The following OTUB2 variants were observed in gnomAD, a reference collection of about 807,000 sequenced individuals.
OTUB2 encodes the protein ubiquitin thioesterase OTUB2.
Under a neutral mutation model 25.1 loss-of-function variants are expected in OTUB2, and 21 were observed. The observed-to-expected ratio is 0.84, with a 90% CI of 0.59 to 1.21. The LOEUF (loss-of-function observed/expected upper bound fraction) is 1.21. OTUB2 is among the 50% of genes most tolerant of loss of function. The probability of loss-of-function intolerance (pLI) is 0.00; values close to 1 mark genes in which losing one functional copy is unlikely to be tolerated. For synonymous variants in OTUB2, 122 were observed against 122.8 expected (o/e 0.99, Z 0.04); for missense variants, 283 against 298.0 (o/e 0.95, Z 0.37).
intron 3 of OTUB2, chr14:94,039,334 G>C (rs1595367434): frequency 5.4e-6 from 3 of 553,112 alleles, no homozygotes; most frequent in African/African-American, 1.9e-5. Context: ...CACAGGCCTG[G>C]GTCAGCCCAG....
Position 94,046,051 on chromosome 14 carries a change from C to T in OTUB2, c.*129C>T. The T allele has an allele frequency of 1.9e-6, 2 of 1,077,844 alleles. No homozygotes were observed. Among genetic ancestry groups the T allele is most frequent in the Non-Finnish European group, 2.7e-6 (2 of 739,738 alleles). The allele number at this position is 1,077,844 out of a possible 1,614,324, so 66.8% of individuals were successfully genotyped here. A position where few individuals can be genotyped will look rare whatever the true frequency, so the allele number is the denominator to read the frequency against. Reference sequence around the variant, plus strand: ...AAATGTGCAGCCTTTTGGGCAAAGCCCCTGGGAACGAGGCCTATCCACTAT... The same window carrying T: ...AAATGTGCAGCCTTTTGGGCAAAGCTCCTGGGAACGAGGCCTATCCACTAT... On this transcript the variant is annotated 3_prime_UTR_variant, in exon 6 of 6. Coordinates refer to ENST00000203664, the MANE Select transcript of OTUB2 (RefSeq NM_023112.4).
intron 5 of OTUB2, 92 bp downstream of exon 5, chr14:94,044,872 G>A (rs926104899): frequency 3.8e-6 from 5 of 1,321,188 alleles, no homozygotes; most frequent in South Asian, 3.0e-5. Flanking sequence ...CAAGGGACTC[G>A]GGTGTCACGA....
chr14:94,043,521 G>A (rs898692252), intron 3 of OTUB2, among the ~76,000 whole-genome samples: 5 of 152,254 alleles, frequency 3.3e-5, no homozygotes, highest in African/African-American at 1.2e-4. Flanking sequence ...AGCATGCGCA[G>A]AGCAAGGGCC....
Position 94,046,128 on chromosome 14 carries a change from A to C in OTUB2, c.*206A>C, listed in dbSNP as rs1885271276. 3.1e-6 allele frequency: 2 copies of C among 648,936 alleles called. No individual in the cohort carries two copies. Among genetic ancestry groups the C allele is most frequent in the African/African-American group, 3.6e-5 (2 of 54,832 alleles). 40.2% of individuals were successfully genotyped at this position (648,936 alleles called of 1,614,324 possible). On this transcript the variant is annotated 3_prime_UTR_variant, in exon 6 of 6. Transcript: ENST00000203664. ...TAGTATTTATTTTAATGGAGGGACA[A>C]ATGCTTTCTAACTGGGCCCCCGACT...
At chr14:94,031,881 T>G (rs1884968957) in intron 1 of OTUB2, among the ~76,000 whole-genome samples, 1 of 152,260 alleles carries the variant, frequency 6.6e-6, no homozygotes, top group Non-Finnish European at 1.5e-5. Flanking sequence ...TAATTAGGTC[T>G]GACAGGACAT....
chr14:94,030,231 G>A (rs1007686731), intron 1 of OTUB2, among the ~76,000 whole-genome samples: 1 of 152,054 alleles, frequency 6.6e-6, no homozygotes, highest in Non-Finnish European at 1.5e-5. Flanking sequence ...CAGCCTCCCT[G>A]GGGGGAGATG....
chr14:94,045,478 G>A (rs536066031), intron 5 of OTUB2, among the ~76,000 whole-genome samples: 1 of 152,328 alleles, frequency 6.6e-6, no homozygotes, highest in African/African-American at 2.4e-5. Flanking sequence ...ACAAGGTCTA[G>A]AATGGAAAAG....
chr14:94,026,648 AGCCCCCAGCTC>A, intron 1 of OTUB2, 108 bp downstream of exon 1: 1 of 1,135,806 alleles, frequency 8.8e-7, no homozygotes, highest in Non-Finnish European at 1.1e-6. Flanking sequence ...CGCGAGGCTC[AGCCCCCAGCTC>A]GCCCCCGCCG....
chr14:94,041,208 C>T (rs1885155483), intron 3 of OTUB2, among the ~76,000 whole-genome samples: 1 of 152,186 alleles, frequency 6.6e-6, no homozygotes. Flanking sequence ...AAGAATGGCT[C>T]CCAGAGGTTT....
intron 3 of OTUB2, among the ~76,000 whole-genome samples, chr14:94,042,099 C>T (rs1263535155): frequency 6.6e-6 from 1 of 152,208 alleles, no homozygotes; most frequent in East Asian, 1.9e-4. Context: ...TTGTTCCAGC[C>T]CTGTATCTTG....
chr14:94,036,278 T>C (rs762532575), intron 1 of OTUB2, among the ~76,000 whole-genome samples: 1 of 152,144 alleles, frequency 6.6e-6, no homozygotes, highest in African/African-American at 2.4e-5. Flanking sequence ...ATGATGGTGA[T>C]AAATGAATGG....
In OTUB2 at chr14:94,048,454, GCATT is replaced by G. The variant is rs1405062247; in HGVS notation, c.*2535_*2538del. On this transcript the variant is annotated 3_prime_UTR_variant, in exon 6 of 6. Transcript: ENST00000203664. ...CCAGAATGCCAGGGTTCTAACTTCA[GCATT>G]CACTTACTAGCTGTATGATCTTGGC... 1 of 152,174 alleles carries G rather than the reference GCATT, an allele frequency of 6.6e-6. No homozygotes were observed. Among genetic ancestry groups the G allele is most frequent in the Admixed American group, 6.5e-5 (1 of 15,282 alleles). 9.4% of individuals were successfully genotyped at this position (152,174 alleles called of 1,614,324 possible). A position where few individuals can be genotyped will look rare whatever the true frequency, so the allele number is the denominator to read the frequency against.
Position 94,044,747 on chromosome 14 carries a change from TGAG to T in OTUB2, c.469_471del (p.Glu157del), listed in dbSNP as rs1885237107. ...CAGACTTCTTCCGGCACTTCATTGA[TGAG>T]GAGATGGACATCAAAGACTTCTGCA... On this transcript the variant is annotated inframe_deletion, in exon 5 of 6. Coordinates refer to ENST00000203664, the MANE Select transcript of OTUB2 (RefSeq NM_023112.4). The T allele has an allele frequency of 4.3e-6, 7 of 1,613,566 alleles. No homozygotes were observed. The highest frequency in any genetic ancestry group is 1.1e-5 in the South Asian group (1 of 91,078).
At chr14:94,044,841 A>G in intron 5 of OTUB2, 61 bp downstream of exon 5, 1 of 1,498,636 alleles carries the variant, frequency 6.7e-7, no homozygotes, top group South Asian at 1.3e-5. Context: ...TGTCCTGCAG[A>G]CTTCAGCACC....
intron 1 of OTUB2, among the ~76,000 whole-genome samples, chr14:94,027,618 A>G (rs767163397): frequency 3.9e-5 from 6 of 152,246 alleles, no homozygotes; most frequent in Non-Finnish European, 7.3e-5. Flanking sequence ...GGGTGTGCAC[A>G]GATGCCTGGT....
Position 94,026,433 on chromosome 14 carries a change from C to G in OTUB2, c.-105C>G. 1 of 1,302,200 alleles carries G rather than the reference C, an allele frequency of 7.7e-7. No individual in the cohort carries two copies. The allele number at this position is 1,302,200 out of a possible 1,614,324, so 80.7% of individuals were successfully genotyped here. On this transcript the variant is annotated 5_prime_UTR_variant, in exon 1 of 6. Transcript: ENST00000203664. ...TCCGCCGCCCCCACGCCCTCGAGGT[C>G]CCCGCCACCGAACCAGCGGCGGAGC...
chr14:94,039,111 G>T, intron 3 of OTUB2, 30 bp downstream of exon 3: 1 of 1,549,086 alleles, frequency 6.5e-7, no homozygotes. Flanking sequence ...GGCCTGTCAG[G>T]GCTGTGTTCT....
intron 1 of OTUB2, among the ~76,000 whole-genome samples, chr14:94,031,189 G>C (rs1355061380): frequency 2.0e-5 from 3 of 150,728 alleles, no homozygotes; most frequent in Non-Finnish European, 4.4e-5. Context: ...GATTGCTTGA[G>C]CCCAGGAGTT....
chr14:94,036,828 C>T (rs1448610294), intron 1 of OTUB2, among the ~76,000 whole-genome samples: 7 of 152,138 alleles, frequency 4.6e-5, no homozygotes, highest in Non-Finnish European at 8.8e-5. Flanking sequence ...TGTACCAGTG[C>T]CACACACTGC....
Sources: allele counts gnomAD v4.1 joint callset (sites outside exome capture counted in the v4.1 genomes callset), GRCh38; gene constraint gnomAD v4.1.1; transcripts MANE v1.5; gene names NCBI Gene and HGNC (gene_info 2026-07-23, HGNC 2026-07-21).